The following PITPNM2 variants were observed in gnomAD, a reference collection of about 807,000 sequenced individuals.
The protein encoded by PITPNM2 is phosphatidylinositol transfer protein membrane associated 2, also known as membrane-associated phosphatidylinositol transfer protein 2.
A neutral mutation model predicts 132.2 loss-of-function variants in PITPNM2; 35 were observed. The ratio of observed to expected loss-of-function variants is 0.26; its 90% CI spans 0.20 to 0.35. The LOEUF is 0.35. Among genes scored for constraint, PITPNM2 ranks in the 10% least tolerant of loss-of-function variants. The pLI is 1.00. For synonymous variants in PITPNM2, 738 were observed against 799.2 expected, an observed-to-expected ratio of 0.92 and a Z score of 1.29; for missense variants, 1,332 against 1,912.0, an observed-to-expected ratio of 0.70 and a Z score of 5.66.
At chr12:123,085,525 G>A (rs2042087592) in intron 2 of PITPNM2, among the ~76,000 whole-genome samples, 1 of 152,176 alleles carries the variant, frequency 6.6e-6, no homozygotes, top group Non-Finnish European at 1.5e-5. Flanking sequence ...AGGGTTGGGA[G>A]TTGTTAGTTA....
intron 3 of PITPNM2, among the ~76,000 whole-genome samples, chr12:123,028,973 G>C (rs1389735844): frequency 1.3e-5 from 2 of 152,154 alleles, no homozygotes; most frequent in Non-Finnish European, 2.9e-5. Flanking sequence ...TCTCCAAGTC[G>C]GGGTGGCCTG....
At chr12:123,100,203 T>C (rs1045676267) in intron 2 of PITPNM2, among the ~76,000 whole-genome samples, 1 of 152,232 alleles carries the variant, frequency 6.6e-6, no homozygotes, top group East Asian at 1.9e-4. Context: ...ATGTGCAACG[T>C]AAAATGCTGC....
Position 123,005,169 on chromosome 12 carries a change from T to C in PITPNM2, c.952+71A>G. 2 of 1,517,370 alleles carry C rather than the reference T, an allele frequency of 1.3e-6. No homozygotes were observed. Among genetic ancestry groups the C allele is most frequent in the Admixed American group, 1.9e-5 (1 of 53,522 alleles). 94.0% of individuals were successfully genotyped at this position (1,517,370 alleles called of 1,614,324 possible). The stretch of plus-strand genomic sequence containing the variant: ...AAAGAACTCTGAGGAGGTGCAGTGA[T>C]CCAGCAGTGTGTGGGGCTGCCTTGA... On this transcript the variant is annotated intron_variant, in intron 7 of 25. Transcript: ENST00000320201. This position sits in a 1 kb window ranked among gnomAD's most constrained non-coding sequence, Gnocchi z 6.2.
At position 122,997,416 on chromosome 12, in the gene PITPNM2, G is replaced by A. The variant is rs777357814; in HGVS notation, c.1381C>T (p.Arg461Cys). 42 of 1,613,330 alleles carry A rather than the reference G, an allele frequency of 2.6e-5. No individual in the cohort carries two copies. The highest frequency in any genetic ancestry group is 1.6e-4 in the Middle Eastern group (1 of 6,070). The part of the protein sequence containing the change: ...TIANVFDTVM[R>C]VHYPSALGRL... Reference sequence around the variant, plus strand: ...CCCAGGGCGCTGGGGTAGTGCACGCGCATGACGGTGTCGAACACGTTGGCG... The same window carrying A: ...CCCAGGGCGCTGGGGTAGTGCACGCACATGACGGTGTCGAACACGTTGGCG... The change falls in exon 11 of 26, where the codon CGC becomes TGC. Residue 461 changes from arginine to cysteine, a missense_variant. Transcript: ENST00000320201.
chr12:123,062,288 C>T (rs1379091037), intron 2 of PITPNM2, among the ~76,000 whole-genome samples: 1 of 152,178 alleles, frequency 6.6e-6, no homozygotes, highest in Non-Finnish European at 1.5e-5. Context: ...GTTTACTCAT[C>T]TGTAAAGGGA....
At chr12:123,007,793 C>T (rs1209007058) in intron 6 of PITPNM2, among the ~76,000 whole-genome samples, 3 of 152,098 alleles carry the variant, frequency 2.0e-5, no homozygotes, top group Non-Finnish European at 4.4e-5. Flanking sequence ...CCTGGGGTGA[C>T]CGGAAGGGCT....
chr12:123,039,673 C>T (rs962922366), intron 2 of PITPNM2, among the ~76,000 whole-genome samples: 1 of 152,182 alleles, frequency 6.6e-6, no homozygotes, highest in East Asian at 1.9e-4. Context: ...AGTACAACAT[C>T]AAGAGTGAGC....
chr12:123,049,973 T>C (rs186139669), intron 2 of PITPNM2, among the ~76,000 whole-genome samples: 17 of 152,376 alleles, frequency 1.1e-4, no homozygotes, highest in Non-Finnish European at 2.4e-4. Flanking sequence ...CAAACTGCTC[T>C]GTTAGCTGTT....
chr12:123,089,357 T>C (rs1006890354), intron 2 of PITPNM2: 2 of 152,188 alleles, frequency 1.3e-5, no homozygotes, highest in African/African-American at 4.8e-5. Context: ...CTACCCTCCC[T>C]GCACCCAATG....
At chr12:123,088,877 A>G (rs946640800) in intron 2 of PITPNM2, 1 of 152,168 alleles carries the variant, frequency 6.6e-6, no homozygotes, top group African/African-American at 2.4e-5. Flanking sequence ...TCTCCTTTGC[A>G]CTCATGTTGC....
At chr12:123,041,671 G>T (rs1259279477) in intron 2 of PITPNM2, among the ~76,000 whole-genome samples, 1 of 152,184 alleles carries the variant, frequency 6.6e-6, no homozygotes, top group Non-Finnish European at 1.5e-5. Flanking sequence ...AGTCGTGACG[G>T]GTTAGACAGA....
chr12:123,024,248 G>A (rs1006031580), intron 3 of PITPNM2, among the ~76,000 whole-genome samples: 1 of 152,168 alleles, frequency 6.6e-6, no homozygotes, highest in Non-Finnish European at 1.5e-5. Flanking sequence ...CACACTCACT[G>A]GGGCGGTTAA....
At position 122,989,850 on chromosome 12, in the gene PITPNM2, C is replaced by A. The variant is rs141762983; in HGVS notation, c.2668G>T (p.Ala890Ser). 1.4e-4 allele frequency: 157 copies of A among 1,131,578 alleles called. No individual in the cohort carries two copies. The African/African-American group carries it at 2.3e-3, about 17-fold the overall frequency. 70.1% of individuals were successfully genotyped at this position (1,131,578 alleles called of 1,614,324 possible). ...SPTTPGPHPP[A>S]RKASPGLERA... ...TCCAGGCCAGGGCTTGCCTTCCTGG[C>A]TGGAGGGTGGGGGCCAGGGGTGGTG... Residue 890 changes from alanine to serine, a missense_variant, in exon 18 of 26, where the codon GCC (alanine) becomes TCC (serine). Physicochemically the swap from Ala to Ser is moderately conservative, Grantham distance 99. Coordinates refer to ENST00000320201, the MANE Select transcript of PITPNM2 (RefSeq NM_020845.3).
At chr12:123,096,259 A>C (rs1169265236) in intron 2 of PITPNM2, among the ~76,000 whole-genome samples, 3 of 152,198 alleles carry the variant, frequency 2.0e-5, no homozygotes, top group Admixed American at 6.5e-5. Flanking sequence ...TTATTTACGC[A>C]ATATTAACAC....
intron 2 of PITPNM2, among the ~76,000 whole-genome samples, chr12:123,049,165 C>CA (rs1483470660): frequency 1.3e-5 from 2 of 151,560 alleles, no homozygotes; most frequent in African/African-American, 4.8e-5. Flanking sequence ...CACACACACA[C>CA]CCCTCCTACA....
intron 2 of PITPNM2, among the ~76,000 whole-genome samples, chr12:123,107,417 A>T (rs1228384120): frequency 6.6e-6 from 1 of 152,206 alleles, no homozygotes; most frequent in Non-Finnish European, 1.5e-5. Flanking sequence ...ACTGTGAAAG[A>T]CAGCCAGGCA....
rs2038271132 is a variant in PITPNM2 at position 122,993,139 on chromosome 12, T to C, written c.2234-470A>G. On this transcript the variant is annotated intron_variant, in intron 15 of 25. Transcript: ENST00000320201. The surrounding 1 kb of genome is among the most constrained non-coding windows in gnomAD (Gnocchi z 5.2). ...ACCACGCCTGACCTCTAATTTTTTT[T>C]CATTGCAAAAGTTATAATGATTGTG... Among the ~76,000 whole-genome samples, 1 of 152,188 alleles carries C rather than the reference T, an allele frequency of 6.6e-6. No homozygotes were observed. The highest frequency in any genetic ancestry group is 1.5e-5 in the Non-Finnish European group (1 of 68,032).
Position 123,143,318 on chromosome 12 carries a change from T to C in PITPNM2, c.-200+7435A>G, listed in dbSNP as rs187249048. On this transcript the variant is annotated intron_variant, in intron 1 of 25. Coordinates refer to ENST00000320201, the MANE Select transcript of PITPNM2 (RefSeq NM_020845.3). ...TCCCAGGAGGACAACAGAAGCAAAG[T>C]GCACAGCCCTGCTCCACAGCACAGC... Among the ~76,000 whole-genome samples, 5 of 152,150 alleles carry C rather than the reference T, an allele frequency of 3.3e-5. No individual in the cohort carries two copies. In the East Asian group the frequency reaches 9.7e-4, roughly 29 times the overall value.
intron 8 of PITPNM2, among the ~76,000 whole-genome samples, chr12:123,003,704 C>T (rs1244819734): frequency 6.6e-6 from 1 of 152,260 alleles, no homozygotes; most frequent in African/African-American, 2.4e-5. Flanking sequence ...GGCTCGCCCC[C>T]ATCCCTTTCT....
Sources: gnomAD v4.1 joint callset for allele counts (sites outside exome capture counted in the v4.1 genomes callset) on GRCh38, gnomAD v4.1.1 for gene constraint, Gnocchi (gnomAD v3.1) non-coding constraint, MANE v1.5 for transcripts, NCBI Gene and HGNC (gene_info 2026-07-23, HGNC 2026-07-21) for gene names.